IL1RAPL1: variants seen among roughly 807,000 people sequenced by gnomAD.
IL1RAPL1 encodes the protein interleukin 1 receptor accessory protein like 1.
Under a neutral mutation model 48.4 loss-of-function variants are expected in IL1RAPL1, and 3 were observed. That is an observed-to-expected ratio of 0.06 (90% CI 0.03 to 0.16). The LOEUF is 0.16. Among genes scored for constraint, IL1RAPL1 ranks in the 10% least tolerant of loss-of-function variants. IL1RAPL1 has a pLI of 1.00. For missense variants in IL1RAPL1, 349 were observed against 530.6 expected, an observed-to-expected ratio of 0.66 and a Z score of 3.36; for synonymous variants, 185 against 187.7, an observed-to-expected ratio of 0.99 and a Z score of 0.12.
intron 2 of IL1RAPL1, among the ~76,000 whole-genome samples, chrX:29,169,188 A>G (rs930132555): frequency 1.8e-5 from 2 of 109,067 alleles, no homozygotes; most frequent in African/African-American, 6.6e-5. Context: ...TAGTAATGGG[A>G]TTGCTGGATC....
At chrX:29,284,602 G>T (rs1170996459) in intron 3 of IL1RAPL1, among the ~76,000 whole-genome samples, 1 of 111,271 alleles carries the variant, frequency 9.0e-6, no homozygotes, top group African/African-American at 3.3e-5. Context: ...AAAATTAGCC[G>T]AGGATGGTGG....
intron 1 of IL1RAPL1, among the ~76,000 whole-genome samples, chrX:28,762,823 C>CAGAGAGAG (rs146402299): frequency 1.1e-4 from 4 of 36,788 alleles, no homozygotes; most frequent in African/African-American, 2.3e-4. Flanking sequence ...CACACACACA[C>CAGAGAGAG]AGAGAGAGAG....
chrX:29,569,662 A>G (rs1050013508), intron 5 of IL1RAPL1, among the ~76,000 whole-genome samples: 10 of 110,530 alleles, frequency 9.0e-5, no homozygotes, highest in African/African-American at 3.3e-4. Context: ...CATTTTTTCC[A>G]TTTATATTTT....
intron 6 of IL1RAPL1, among the ~76,000 whole-genome samples, chrX:29,843,548 T>C (rs969440747): frequency 1.8e-5 from 2 of 111,525 alleles, no homozygotes; most frequent in Non-Finnish European, 3.8e-5. Context: ...TTTTATCTTA[T>C]AGTTGTGGAA....
At chrX:29,100,324 C>T (rs1331875321) in intron 2 of IL1RAPL1, among the ~76,000 whole-genome samples, 36 of 112,050 alleles carry the variant, frequency 3.2e-4, no homozygotes, top group Admixed American at 3.1e-3. Flanking sequence ...CAGAAATCTC[C>T]ACTTCACAAT....
At chrX:29,671,943 T>A (rs1217480043) in intron 6 of IL1RAPL1, among the ~76,000 whole-genome samples, 1 of 112,382 alleles carries the variant, frequency 8.9e-6, no homozygotes, top group East Asian at 2.8e-4. Context: ...TTTATTTAAA[T>A]GTCAGTGTTG....
chrX:28,806,874 A>G (rs1936739070), intron 2 of IL1RAPL1, among the ~76,000 whole-genome samples: 1 of 110,974 alleles, frequency 9.0e-6, no homozygotes, highest in Non-Finnish European at 1.9e-5. Flanking sequence ...AGAGGTTATT[A>G]CCTTCTAAGT....
chrX:28,945,266 G>C (rs5943579), intron 2 of IL1RAPL1, among the ~76,000 whole-genome samples: 1 of 110,034 alleles, frequency 9.1e-6, no homozygotes, highest in Non-Finnish European at 1.9e-5. Context: ...TACCCAAAAA[G>C]TATGAATCAT....
At chrX:29,221,610 T>TAC (rs1293855769) in intron 2 of IL1RAPL1, among the ~76,000 whole-genome samples, 6 of 61,824 alleles carry the variant, frequency 9.7e-5, no homozygotes, top group African/African-American at 2.4e-4. Context: ...GAGCAATGTA[T>TAC]ACACACACAT....
At chrX:29,843,170 C>T (rs190641894) in intron 6 of IL1RAPL1, among the ~76,000 whole-genome samples, 161 of 111,831 alleles carry the variant, frequency 1.4e-3, no homozygotes, top group African/African-American at 5.0e-3. Context: ...CGTACATTCA[C>T]TGATAGACAA....
chrX:28,896,983 G>T (rs182167572), intron 2 of IL1RAPL1, among the ~76,000 whole-genome samples: 3 of 110,892 alleles, frequency 2.7e-5, no homozygotes, highest in African/African-American at 9.9e-5. Context: ...GGGGTCAAGC[G>T]GCATTGTAGA....
At chrX:28,907,717 T>A (rs746694921) in intron 2 of IL1RAPL1, among the ~76,000 whole-genome samples, 1 of 112,584 alleles carries the variant, frequency 8.9e-6, no homozygotes, top group South Asian at 3.7e-4. Flanking sequence ...TTTGTTGTAA[T>A]GTCTATTAGG....
intron 2 of IL1RAPL1, among the ~76,000 whole-genome samples, chrX:28,921,388 G>T (rs1292297677): frequency 8.9e-6 from 1 of 112,206 alleles, no homozygotes; most frequent in Non-Finnish European, 1.9e-5. Context: ...CAAATACTCT[G>T]TGTGGAGGCA....
Position 29,909,736 on chromosome X carries a change from AGTGC to A in IL1RAPL1, c.779-7727_779-7724del, listed in dbSNP as rs1257914619. Among the ~76,000 whole-genome samples, 1,043 of 111,935 alleles carry A rather than the reference AGTGC, an allele frequency of 9.3e-3. 8 individuals are homozygous for A. The highest frequency in any genetic ancestry group is 0.032 in the African/African-American group (982 of 30,842). On this transcript the variant is annotated intron_variant, in intron 6 of 10. Coordinates refer to ENST00000378993, the MANE Select transcript of IL1RAPL1 (RefSeq NM_014271.4). The stretch of plus-strand genomic sequence containing the variant: ...ACTGCCCAAAACAGTTTAAAGTTTC[AGTGC>A]TATGATTAAAAAGTCAAAACATAAC...
intron 1 of IL1RAPL1, among the ~76,000 whole-genome samples, chrX:28,655,975 C>A (rs755884331): frequency 1.8e-5 from 2 of 111,285 alleles, no homozygotes; most frequent in African/African-American, 6.5e-5. Flanking sequence ...CAGAGGTAAT[C>A]GATTTCATTA....
chrX:29,015,391 CT>C (rs1926217207), intron 2 of IL1RAPL1, among the ~76,000 whole-genome samples: 1 of 111,309 alleles, frequency 9.0e-6, no homozygotes, highest in Non-Finnish European at 1.9e-5. Flanking sequence ...AAAACATTTT[CT>C]AAATATCACA....
chrX:28,628,327 G>A lies in IL1RAPL1; in HGVS notation c.-25+40280G>A, dbSNP rs930073062. Among the ~76,000 whole-genome samples the A allele has an allele frequency of 2.1e-4, 24 of 112,288 alleles. 1 individual carries two copies. Among genetic ancestry groups the A allele is most frequent in the Non-Finnish European group, 3.8e-5 (2 of 53,314 alleles). ...AGGGGAAATGGACTCTGCCTCTTTAGTGAGAAGAATTTCAAAATCACATTG... is the reference window on the plus strand; with the variant it reads ...AGGGGAAATGGACTCTGCCTCTTTAATGAGAAGAATTTCAAAATCACATTG... On this transcript the variant is annotated intron_variant, in intron 1 of 10. Coordinates refer to ENST00000378993, the MANE Select transcript of IL1RAPL1 (RefSeq NM_014271.4).
At chrX:29,263,198 G>A (rs1931891209) in intron 2 of IL1RAPL1, among the ~76,000 whole-genome samples, 1 of 111,360 alleles carries the variant, frequency 9.0e-6, no homozygotes, top group African/African-American at 3.3e-5. Context: ...AGTTCACTAA[G>A]GGCAGACATT....
At chrX:29,418,066 G>T (rs1934238790) in intron 5 of IL1RAPL1, among the ~76,000 whole-genome samples, 1 of 94,642 alleles carries the variant, frequency 1.1e-5, no homozygotes, top group Non-Finnish European at 2.1e-5. Context: ...GAAGCACAGA[G>T]AAACGTGTTC....
Sources: allele counts gnomAD v4.1 joint callset (sites outside exome capture counted in the v4.1 genomes callset), GRCh38; gene constraint gnomAD v4.1.1; transcripts MANE v1.5; gene names NCBI Gene and HGNC (gene_info 2026-07-23, HGNC 2026-07-21).